The following GHR variants were observed in gnomAD, a reference collection of about 807,000 sequenced individuals.
GHR encodes GH receptor.
GHR carries 35 observed loss-of-function variants against 67.1 expected under a neutral mutation model. The ratio of observed to expected loss-of-function variants is 0.52; its 90% CI spans 0.40 to 0.69. GHR has a LOEUF of 0.69. GHR is among the 30% of genes least tolerant of loss of function. The probability of loss-of-function intolerance (pLI) is 0.00; values close to 1 mark genes in which losing one functional copy is unlikely to be tolerated. For missense variants in GHR, 792 were observed against 764.6 expected, an observed-to-expected ratio of 1.04 and a Z score of -0.42; for synonymous variants, 272 against 269.1, an observed-to-expected ratio of 1.01 and a Z score of -0.10.
intron 3 of GHR, among the ~76,000 whole-genome samples, chr5:42,649,199 C>T (rs2112816993): frequency 6.6e-6 from 1 of 152,286 alleles, no homozygotes; most frequent in Non-Finnish European, 1.5e-5. Flanking sequence ...ACTTTATAAG[C>T]TCGTATGAAA....
chr5:42,661,963 T>G (rs1239138832), intron 3 of GHR, among the ~76,000 whole-genome samples: 4 of 152,142 alleles, frequency 2.6e-5, no homozygotes, highest in African/African-American at 9.7e-5. Context: ...TCCTCGTCTC[T>G]GATAAAACAG....
chr5:42,499,822 T>C (rs1382269972), intron 1 of GHR, among the ~76,000 whole-genome samples: 1 of 152,146 alleles, frequency 6.6e-6, no homozygotes, highest in Admixed American at 6.5e-5. Context: ...TGAAATGCCA[T>C]AAGTGTAACA....
Position 42,424,478 on chromosome 5 carries a change from C to A in GHR, c.-12+523C>A. On this transcript the variant is annotated intron_variant, in intron 1 of 9. Transcript: ENST00000230882. This position sits in a 1 kb window ranked among gnomAD's most constrained non-coding sequence, Gnocchi z 4.1. The stretch of plus-strand genomic sequence containing the variant: ...GAGAGACTGGGGAGGTCGAGCTGTG[C>A]GCGTGGACACAGCGCGCAGAGCGCG... 1 of 877,654 alleles carries A rather than the reference C, an allele frequency of 1.1e-6. No individual in the cohort carries two copies. The highest frequency in any genetic ancestry group is 1.8e-6 in the Non-Finnish European group (1 of 550,034). 54.4% of individuals were successfully genotyped at this position (877,654 alleles called of 1,614,324 possible).
chr5:42,543,110 C>G (rs949213021), intron 1 of GHR, among the ~76,000 whole-genome samples: 13 of 152,060 alleles, frequency 8.5e-5, no homozygotes, highest in Admixed American at 8.5e-4. Flanking sequence ...GAGCAGGTAT[C>G]TTTTTGATAT....
intron 2 of GHR, among the ~76,000 whole-genome samples, chr5:42,617,571 TC>T (rs1390180239): frequency 6.6e-6 from 1 of 151,904 alleles, no homozygotes; most frequent in Non-Finnish European, 1.5e-5. Context: ...CCTCCCCATT[TC>T]CCCCCTCACC....
intron 1 of GHR, among the ~76,000 whole-genome samples, chr5:42,505,316 T>G (rs1229960685): frequency 6.6e-6 from 1 of 152,046 alleles, no homozygotes; most frequent in Admixed American, 6.6e-5. Flanking sequence ...CTTGAGCAAT[T>G]TTTTGCGCAT....
rs1435239555 is a variant in GHR, at chr5:42,424,169, C to CGTG, written c.-12+214_-12+215insGTG. Among the ~76,000 whole-genome samples the CGTG allele has an allele frequency of 1.1e-5, 1 of 91,094 alleles. No homozygotes were observed. Among genetic ancestry groups the CGTG allele is most frequent in the East Asian group, 4.0e-4 (1 of 2,518 alleles). The allele number at this position is 91,094 out of a possible 152,430, so 59.8% of individuals were successfully genotyped here. On this transcript the variant is annotated intron_variant, in intron 1 of 9. Coordinates refer to ENST00000230882, the MANE Select transcript of GHR (RefSeq NM_000163.5). The surrounding 1 kb of genome is among the most constrained non-coding windows in gnomAD (Gnocchi z 4.1). ...TGCTGGTGGGTTGTTGTAACCCAAT[C>CGTG]TAGTGTGTGTGTGTGTGTGTGTGTG...
At chr5:42,474,333 G>GAAAGAAAGAAAGAAAAGAAAT (rs144590349) in intron 1 of GHR, among the ~76,000 whole-genome samples, 627 of 149,072 alleles carry the variant, frequency 4.2e-3, no homozygotes, top group Middle Eastern at 0.014. Flanking sequence ...AAGAAAGAAA[G>GAAAGAAAGAAAGAAAAGAAAT]AAAGAAAAGA....
intron 1 of GHR, among the ~76,000 whole-genome samples, chr5:42,525,568 TG>T (rs1027485592): frequency 2.0e-5 from 3 of 152,160 alleles, no homozygotes; most frequent in Non-Finnish European, 4.4e-5. Context: ...ATTAAGACTT[TG>T]GGGGACTGCT....
intron 3 of GHR, among the ~76,000 whole-genome samples, chr5:42,683,624 T>A (rs1396858822): frequency 6.6e-6 from 1 of 151,268 alleles, no homozygotes; most frequent in Non-Finnish European, 1.5e-5. Flanking sequence ...TAACAGCACA[T>A]ACCCAGCCAT....
intron 1 of GHR, among the ~76,000 whole-genome samples, chr5:42,446,109 A>G (rs28943878): frequency 0.18 from 26,831 of 152,218 alleles, 2,667 homozygotes; most frequent in Non-Finnish European, 0.21. Context: ...GAAGGCCTGC[A>G]TAAGTCAGGG....
intron 1 of GHR, among the ~76,000 whole-genome samples, chr5:42,449,924 A>G (rs1388411322): frequency 1.3e-5 from 2 of 152,148 alleles, no homozygotes; most frequent in Non-Finnish European, 2.9e-5. Flanking sequence ...TATGTGGTGT[A>G]TCACATTTAT....
At chr5:42,552,482 T>G (rs1038427220) in intron 1 of GHR, among the ~76,000 whole-genome samples, 5 of 152,204 alleles carry the variant, frequency 3.3e-5, no homozygotes, top group African/African-American at 1.2e-4. Context: ...CTTCCAGCCT[T>G]TCTAACTTTC....
At chr5:42,682,721 G>A (rs1756950074) in intron 3 of GHR, among the ~76,000 whole-genome samples, 1 of 152,180 alleles carries the variant, frequency 6.6e-6, no homozygotes, top group African/African-American at 2.4e-5. Context: ...TAAGAAAAGT[G>A]GCTTGTGTCA....
chr5:42,555,785 A>G (rs757570547), intron 1 of GHR, among the ~76,000 whole-genome samples: 1 of 152,218 alleles, frequency 6.6e-6, no homozygotes, highest in African/African-American at 2.4e-5. Context: ...AGACACAGCT[A>G]CTGCTTCCAG....
At chr5:42,441,310 G>T (rs2111955220) in intron 1 of GHR, among the ~76,000 whole-genome samples, 1 of 152,244 alleles carries the variant, frequency 6.6e-6, no homozygotes, top group African/African-American at 2.4e-5. Context: ...TGTCCTCTTG[G>T]ATTAATAAAT....
At chr5:42,596,585 G>A (rs1752083474) in intron 2 of GHR, among the ~76,000 whole-genome samples, 1 of 152,160 alleles carries the variant, frequency 6.6e-6, no homozygotes. Context: ...CCTCTGGTGT[G>A]ATTAGGGGCC....
At chr5:42,472,916 C>T (rs1219400620) in intron 1 of GHR, among the ~76,000 whole-genome samples, 1 of 152,092 alleles carries the variant, frequency 6.6e-6, no homozygotes, top group Non-Finnish European at 1.5e-5. Flanking sequence ...TGTCACCTCC[C>T]TTAGGTTGGT....
At chr5:42,606,002 C>T (rs571175337) in intron 2 of GHR, among the ~76,000 whole-genome samples, 1 of 152,312 alleles carries the variant, frequency 6.6e-6, no homozygotes, top group South Asian at 2.1e-4. Context: ...TGGTAGTGCA[C>T]ATGAGCTCAT....
Sources: gnomAD v4.1 joint callset for allele counts (sites outside exome capture counted in the v4.1 genomes callset) on GRCh38, gnomAD v4.1.1 for gene constraint, Gnocchi (gnomAD v3.1) non-coding constraint, MANE v1.5 for transcripts, NCBI Gene and HGNC (gene_info 2026-07-23, HGNC 2026-07-21) for gene names.